SUPT3H: variants seen among roughly 807,000 people sequenced by gnomAD.
The protein encoded by SUPT3H is SPT3 homolog, SAGA and STAGA complex component.
In SUPT3H, 44 loss-of-function variants were observed where a neutral mutation model predicts 44.3. That is an observed-to-expected ratio of 0.99 (90% CI 0.78 to 1.28). The LOEUF is 1.28. Ranked by LOEUF, SUPT3H falls within the 50% of genes most tolerant of loss-of-function variation. SUPT3H has a pLI of 0.00. For missense variants in SUPT3H, 380 were observed against 387.1 expected, an observed-to-expected ratio of 0.98 and a Z score of 0.15; for synonymous variants, 124 against 125.6, an observed-to-expected ratio of 0.99 and a Z score of 0.09.
intron 2 of SUPT3H, among the ~76,000 whole-genome samples, chr6:45,319,528 A>G (rs1282662478): frequency 6.6e-6 from 1 of 152,180 alleles, no homozygotes; most frequent in African/African-American, 2.4e-5. Context: ...CAGGCTAAAG[A>G]TCTGAAATTC....
intron 2 of SUPT3H, among the ~76,000 whole-genome samples, chr6:45,354,553 T>C (rs1792744562): frequency 6.6e-6 from 1 of 152,062 alleles, no homozygotes; most frequent in South Asian, 2.1e-4. Flanking sequence ...CTCAGTTTCC[T>C]TGGATAATAA....
At chr6:45,032,695 A>T (rs1787125103) in intron 3 of SUPT3H, among the ~76,000 whole-genome samples, 1 of 152,164 alleles carries the variant, frequency 6.6e-6, no homozygotes, top group African/African-American at 2.4e-5. Context: ...CATAAATAAA[A>T]GTGAGACATC....
chr6:45,085,145 A>G (rs1361612630), intron 3 of SUPT3H, among the ~76,000 whole-genome samples: 1 of 152,128 alleles, frequency 6.6e-6, no homozygotes, highest in Non-Finnish European at 1.5e-5. Flanking sequence ...ATTAATTAAA[A>G]ATAAATAAAA....
At chr6:45,350,165 A>C (rs1207357920) in intron 2 of SUPT3H, among the ~76,000 whole-genome samples, 1 of 152,236 alleles carries the variant, frequency 6.6e-6, no homozygotes, top group East Asian at 1.9e-4. Context: ...ATACAATTAG[A>C]ATGTAGCCCT....
chr6:44,949,365 T>G (rs1773903171), intron 9 of SUPT3H, among the ~76,000 whole-genome samples: 1 of 151,812 alleles, frequency 6.6e-6, no homozygotes, highest in South Asian at 2.1e-4. Context: ...GTTGTGCACA[T>G]GTACCCTAGA....
Position 45,346,567 on chromosome 6 carries a change from C to CTTTTTT in SUPT3H, c.101+18628_101+18633dup, listed in dbSNP as rs71745024. 2.1e-4 allele frequency among the ~76,000 whole-genome samples: 30 copies of CTTTTTT among 140,444 alleles called. 1 individual carries two copies. The highest frequency in any genetic ancestry group is 4.6e-4 in the South Asian group (2 of 4,380). 92.1% of individuals were successfully genotyped at this position (140,444 alleles called of 152,430 possible). A position where few individuals can be genotyped will look rare whatever the true frequency, so the allele number is the denominator to read the frequency against. ...TATAATAGGAATTCAATAAACATTT[C>CTTTTTT]TTTTTTTTTTTTTTTCTTGAGATAG... On this transcript the variant is annotated intron_variant, in intron 2 of 10. Transcript: ENST00000371459.
intron 10 of SUPT3H, among the ~76,000 whole-genome samples, chr6:44,914,204 C>T (rs1767477945): frequency 6.6e-6 from 1 of 152,168 alleles, no homozygotes; most frequent in African/African-American, 2.4e-5. Context: ...CTAAAAGCCA[C>T]TTTTGCAAAA....
At chr6:45,284,309 G>A (rs572922797) in intron 2 of SUPT3H, among the ~76,000 whole-genome samples, 2 of 151,726 alleles carry the variant, frequency 1.3e-5, no homozygotes, top group South Asian at 2.1e-4. Flanking sequence ...CCAGGAGCTG[G>A]TTTTTTTTGA....
intron 6 of SUPT3H, among the ~76,000 whole-genome samples, chr6:44,991,936 C>A (rs1490976723): frequency 6.6e-6 from 1 of 152,042 alleles, no homozygotes; most frequent in African/African-American, 2.4e-5. Flanking sequence ...TAAATAAAGG[C>A]CAAACTATGT....
At chr6:45,080,447 A>C (rs1562416612) in intron 3 of SUPT3H, among the ~76,000 whole-genome samples, 1 of 152,164 alleles carries the variant, frequency 6.6e-6, no homozygotes, top group East Asian at 1.9e-4. Context: ...GGTATATCCC[A>C]GAAAAAAGGA....
chr6:45,284,964 G>A (rs1355156679), intron 2 of SUPT3H, among the ~76,000 whole-genome samples: 2 of 152,058 alleles, frequency 1.3e-5, no homozygotes, highest in African/African-American at 4.8e-5. Context: ...ATGTAATCCA[G>A]CATATAAACA....
chr6:45,273,402 C>T (rs1160587325), intron 2 of SUPT3H, among the ~76,000 whole-genome samples: 2 of 152,098 alleles, frequency 1.3e-5, no homozygotes, highest in African/African-American at 2.4e-5. Context: ...ACCATTCTAC[C>T]ACCCAAGCTT....
At position 45,204,528 on chromosome 6, in the gene SUPT3H, C is replaced by T. The variant is rs554848329; in HGVS notation, c.102-98522G>A. 2.6e-5 allele frequency among the ~76,000 whole-genome samples: 4 copies of T among 152,268 alleles called. No individual in the cohort carries two copies. In the South Asian group the frequency reaches 8.3e-4, roughly 32 times the overall value. ...CTTTGGGTTCAAGGAGGACAAGAGT[C>T]AGGAAGATGCTCGTTCCTTCCACAT... On this transcript the variant is annotated intron_variant, in intron 2 of 10. Coordinates refer to ENST00000371459, the MANE Select transcript of SUPT3H (RefSeq NM_003599.4).
At chr6:45,192,840 C>A (rs760168923) in intron 2 of SUPT3H, among the ~76,000 whole-genome samples, 7 of 152,046 alleles carry the variant, frequency 4.6e-5, no homozygotes, top group Non-Finnish European at 1.0e-4. Flanking sequence ...ATATAAAATT[C>A]CATAAGATTT....
chr6:44,854,497 C>T (rs1158925357), intron 10 of SUPT3H, among the ~76,000 whole-genome samples: 2 of 152,078 alleles, frequency 1.3e-5, no homozygotes, highest in Non-Finnish European at 2.9e-5. Flanking sequence ...GGTTCTGGAG[C>T]GGGAGAGCTT....
chr6:44,991,007 A>G (rs1246578349), intron 6 of SUPT3H, among the ~76,000 whole-genome samples: 1 of 152,002 alleles, frequency 6.6e-6, no homozygotes, highest in African/African-American at 2.4e-5. Context: ...CACTTTTGTA[A>G]TTTAACCTCT....
chr6:44,910,096 C>G (rs1190407627), intron 10 of SUPT3H, among the ~76,000 whole-genome samples: 2 of 152,186 alleles, frequency 1.3e-5, no homozygotes, highest in Non-Finnish European at 2.9e-5. Flanking sequence ...TCCAGTTGGG[C>G]CTATTTCCCC....
intron 2 of SUPT3H, among the ~76,000 whole-genome samples, chr6:45,312,124 T>G (rs1020926771): frequency 6.6e-6 from 1 of 151,962 alleles, no homozygotes; most frequent in Non-Finnish European, 1.5e-5. Context: ...AAAGGGGTAG[T>G]AAAGAGCATT....
At chr6:44,883,921 A>G (rs1223291233) in intron 10 of SUPT3H, among the ~76,000 whole-genome samples, 3 of 152,170 alleles carry the variant, frequency 2.0e-5, no homozygotes, top group African/African-American at 7.2e-5. Context: ...AAAACCCTAG[A>G]AGAAAACCTA....
Sources: gnomAD v4.1 joint callset for allele counts (sites outside exome capture counted in the v4.1 genomes callset) on GRCh38, gnomAD v4.1.1 for gene constraint, MANE v1.5 for transcripts, NCBI Gene and HGNC (gene_info 2026-07-23, HGNC 2026-07-21) for gene names.